The following DCUN1D4 variants were observed in gnomAD, a reference collection of about 807,000 sequenced individuals.
DCUN1D4 encodes defective in cullin neddylation 1 domain containing 4, also known as DCN1-like protein 4.
Under a neutral mutation model 47.9 loss-of-function variants are expected in DCUN1D4, and 22 were observed. The observed-to-expected ratio is 0.46, with a 90% CI of 0.33 to 0.66. The LOEUF (loss-of-function observed/expected upper bound fraction) is 0.66. Ranked by LOEUF, DCUN1D4 falls within the 30% of genes least tolerant of loss-of-function variation. The pLI, the probability that DCUN1D4 is intolerant of heterozygous loss-of-function variation, is 0.02. For synonymous variants in DCUN1D4, 121 were observed against 112.2 expected (o/e 1.08, Z -0.50); for missense variants, 301 against 340.8 (o/e 0.88, Z 0.92).
chr4:51,870,331 TA>T (rs374532181), intron 3 of DCUN1D4, among the ~76,000 whole-genome samples: 4 of 152,154 alleles, frequency 2.6e-5, no homozygotes, highest in African/African-American at 7.2e-5. Flanking sequence ...ATTTTTATCA[TA>T]AAAAAATCAC....
At chr4:51,897,328 C>T (rs1731421836) in intron 7 of DCUN1D4, among the ~76,000 whole-genome samples, 1 of 152,090 alleles carries the variant, frequency 6.6e-6, no homozygotes, top group Non-Finnish European at 1.5e-5. Context: ...TAGTTAGGTA[C>T]AAAGAAGGAG....
At chr4:51,846,171 C>T (rs1722520104) in intron 1 of DCUN1D4, among the ~76,000 whole-genome samples, 1 of 152,200 alleles carries the variant, frequency 6.6e-6, no homozygotes, top group Non-Finnish European at 1.5e-5. Flanking sequence ...CCCCAAAGCC[C>T]TAGGCTCCTA....
At chr4:51,853,483 C>T (rs977453574) in intron 1 of DCUN1D4, among the ~76,000 whole-genome samples, 1 of 152,142 alleles carries the variant, frequency 6.6e-6, no homozygotes, top group Admixed American at 6.5e-5. Context: ...GCCTTTTCAT[C>T]GTGTGCTGAT....
At position 51,895,003 on chromosome 4, in the gene DCUN1D4, C is replaced by T. The variant is rs540397682; in HGVS notation, c.506+3152C>T. On this transcript the variant is annotated intron_variant, in intron 7 of 10. Coordinates refer to ENST00000334635, the MANE Select transcript of DCUN1D4 (RefSeq NM_001040402.3). Reference sequence around the variant, plus strand: ...AGATGGTGCCTTCTAACTGGGTCCTCCCATGTTGGAAGGGGCAAACAAGCG... The same window carrying T: ...AGATGGTGCCTTCTAACTGGGTCCTTCCATGTTGGAAGGGGCAAACAAGCG... Among the ~76,000 whole-genome samples the T allele has an allele frequency of 3.8e-4, 58 of 152,056 alleles. 1 individual carries two copies. The highest frequency in any genetic ancestry group is 7.1e-4 in the Non-Finnish European group (48 of 68,002).
chr4:51,905,039 C>T (rs994107794), intron 8 of DCUN1D4: 3 of 298,670 alleles, frequency 1.0e-5, no homozygotes, highest in African/African-American at 4.3e-5. Context: ...AAAATAGCCC[C>T]TTTAACAGCT....
At chr4:51,851,648 G>T (rs962865431) in intron 1 of DCUN1D4, among the ~76,000 whole-genome samples, 2 of 152,110 alleles carry the variant, frequency 1.3e-5, no homozygotes, top group African/African-American at 4.8e-5. Flanking sequence ...GAAGGAAAGA[G>T]AAGTCCCAGG....
chr4:51,854,798 G>T (rs1036370295), intron 1 of DCUN1D4, among the ~76,000 whole-genome samples: 28 of 152,334 alleles, frequency 1.8e-4, no homozygotes, highest in African/African-American at 6.7e-4. Context: ...TTGTGCTGTT[G>T]TAGGTACAGG....
At chr4:51,850,612 T>C (rs2109819627) in intron 1 of DCUN1D4, among the ~76,000 whole-genome samples, 1 of 152,352 alleles carries the variant, frequency 6.6e-6, no homozygotes, top group Admixed American at 6.5e-5. Context: ...TACCAGGCCC[T>C]GCTCTTCATA....
At chr4:51,905,042 T>C in intron 8 of DCUN1D4, 1 of 303,564 alleles carries the variant, frequency 3.3e-6, no homozygotes, top group Admixed American at 3.6e-5. Context: ...ATAGCCCCTT[T>C]AACAGCTCTC....
At chr4:51,899,571 C>T (rs1731786380) in intron 8 of DCUN1D4, among the ~76,000 whole-genome samples, 193 bp downstream of exon 8, 1 of 152,152 alleles carries the variant, frequency 6.6e-6, no homozygotes, top group African/African-American at 2.4e-5. Flanking sequence ...TTCTGTAGGT[C>T]AGCAAAAAGC....
intron 4 of DCUN1D4, chr4:51,875,436 A>G (rs1362361511): frequency 6.6e-6 from 1 of 152,256 alleles, no homozygotes; most frequent in African/African-American, 2.4e-5. Context: ...ATAGTATGAT[A>G]AAGCCAGATT....
chr4:51,899,144 G>T (rs1731724352), intron 7 of DCUN1D4, 126 bp from the exon 8 acceptor site: 3 of 1,384,664 alleles, frequency 2.2e-6, no homozygotes, highest in African/African-American at 3.0e-5. Context: ...GAAAAAATAG[G>T]TTATGGATGT....
At chr4:51,885,848 C>T (rs1729404785) in intron 5 of DCUN1D4, among the ~76,000 whole-genome samples, 1 of 152,058 alleles carries the variant, frequency 6.6e-6, no homozygotes, top group Non-Finnish European at 1.5e-5. Context: ...TGGGAAGAGA[C>T]AGTTTTGTGA....
chr4:51,898,484 G>A (rs1200787791), intron 7 of DCUN1D4, among the ~76,000 whole-genome samples: 3 of 152,232 alleles, frequency 2.0e-5, no homozygotes, highest in Admixed American at 6.5e-5. Context: ...TGAGTGAAAT[G>A]TTATTGGGGA....
intron 3 of DCUN1D4, among the ~76,000 whole-genome samples, chr4:51,866,974 G>A (rs1488614598): frequency 1.3e-5 from 2 of 152,194 alleles, no homozygotes; most frequent in Admixed American, 6.5e-5. Context: ...TACTGGCCTG[G>A]ATCCCACACC....
the DCUN1D4 span, among the ~76,000 whole-genome samples, chr4:51,834,086 C>CTTT: frequency 2.1e-5 from 1 of 47,002 alleles, no homozygotes; most frequent in Non-Finnish European, 3.6e-5. Context: ...CTCTCTCTCT[C>CTTT]TTTTCTTTTC....
intron 5 of DCUN1D4, 47 bp from the exon 6 acceptor site, chr4:51,886,521 A>G (rs757408620): frequency 2.0e-6 from 3 of 1,526,348 alleles, no homozygotes; most frequent in South Asian, 2.3e-5. Flanking sequence ...TGGTAATAGT[A>G]TGGTGTGCAT....
chr4:51,835,440 C>A, the DCUN1D4 span, among the ~76,000 whole-genome samples: 3 of 152,194 alleles, frequency 2.0e-5, no homozygotes, highest in African/African-American at 7.2e-5. Flanking sequence ...TTCTATTCCC[C>A]AATCTGTTAT....
At chr4:51,838,611 G>A (rs185764338), upstream of DCUN1D4, among the ~76,000 whole-genome samples, 21 of 152,152 alleles carry the variant, frequency 1.4e-4, no homozygotes, top group Admixed American at 1.2e-3. Context: ...TCAAACTCTT[G>A]GGCTCAAGTG....
Sources: allele counts gnomAD v4.1 joint callset (sites outside exome capture counted in the v4.1 genomes callset), GRCh38; gene constraint gnomAD v4.1.1; transcripts MANE v1.5; gene names NCBI Gene and HGNC (gene_info 2026-07-23, HGNC 2026-07-21).